The following SLC12A6 variants were observed in gnomAD, a reference collection of about 807,000 sequenced individuals.
SLC12A6 encodes solute carrier family 12 member 6.
A neutral mutation model predicts 135.3 loss-of-function variants in SLC12A6; 66 were observed. The observed-to-expected ratio is 0.49, with a 90% CI of 0.40 to 0.60. The LOEUF is 0.60. Among genes scored for constraint, SLC12A6 ranks in the 20% least tolerant of loss-of-function variants. SLC12A6 has a pLI of 0.00. For synonymous variants in SLC12A6, 513 were observed against 508.8 expected (o/e 1.01, Z -0.11); for missense variants, 1,058 against 1,452.3 (o/e 0.73, Z 4.41).
chr15:34,283,921 G>T (rs74871935), intron 2 of SLC12A6, among the ~76,000 whole-genome samples: 7,425 of 151,840 alleles, frequency 0.049, 370 homozygotes, highest in African/African-American at 0.13. Context: ...CCAGTTTTTT[G>T]ATTTTTTTTA....
chr15:34,235,882 A>T, intron 24 of SLC12A6, 133 bp downstream of exon 24: 1 of 779,016 alleles, frequency 1.3e-6, no homozygotes. Context: ...AGCCAGTATG[A>T]ACAGGCAAAC....
chr15:34,285,177 G>A (rs1056593705), intron 2 of SLC12A6, among the ~76,000 whole-genome samples: 1 of 152,202 alleles, frequency 6.6e-6, no homozygotes, highest in Non-Finnish European at 1.5e-5. Context: ...TCTGGAATGA[G>A]CAGATAGCAG....
intron 2 of SLC12A6, among the ~76,000 whole-genome samples, chr15:34,333,809 G>A (rs1393655800): frequency 6.6e-6 from 1 of 152,028 alleles, no homozygotes; most frequent in Non-Finnish European, 1.5e-5. Context: ...TGTGGCTCAC[G>A]CCTGTAATCC....
At chr15:34,288,109 A>C (rs986688281) in intron 2 of SLC12A6, among the ~76,000 whole-genome samples, 1 of 152,164 alleles carries the variant, frequency 6.6e-6, no homozygotes, top group Admixed American at 6.6e-5. Flanking sequence ...TTATGGTCCT[A>C]GGTCTTATGT....
At chr15:34,318,388 G>A (rs1888802290) in intron 2 of SLC12A6, among the ~76,000 whole-genome samples, 1 of 152,148 alleles carries the variant, frequency 6.6e-6, no homozygotes, top group African/African-American at 2.4e-5. Context: ...CAGTGTGTGA[G>A]AAAAGTAAGA....
chr15:34,240,671 G>A lies in SLC12A6; in HGVS notation c.2426C>T (p.Ala809Val). 2 of 1,613,822 alleles carry A rather than the reference G, an allele frequency of 1.2e-6. No homozygotes were observed. The highest frequency in any genetic ancestry group is 2.2e-5 in the South Asian group (2 of 91,082). ...NFLENYGEAL[A>V]AEQTIKHLME... ...AAGCCTGACTCTTACCTGCTCAGCAGCTAAAGCTTCACCGTAGTTCTCTAG... is the reference window on the plus strand; with the variant it reads ...AAGCCTGACTCTTACCTGCTCAGCAACTAAAGCTTCACCGTAGTTCTCTAG... The change falls in exon 19 of 26, where the codon GCT becomes GTT. Residue 809 changes from alanine to valine, a missense_variant. By Grantham distance (64) the Ala-to-Val change is moderately conservative. Coordinates refer to ENST00000354181, the MANE Select transcript of SLC12A6 (RefSeq NM_001365088.1).
chr15:34,296,888 G>GA (rs1325868737), intron 2 of SLC12A6, among the ~76,000 whole-genome samples: 21 of 151,846 alleles, frequency 1.4e-4, no homozygotes, highest in African/African-American at 5.1e-4. Flanking sequence ...TTTGATATTT[G>GA]AAAAAAAATT....
intron 2 of SLC12A6, among the ~76,000 whole-genome samples, chr15:34,292,849 TG>T (rs766530779): frequency 4.6e-5 from 7 of 152,158 alleles, no homozygotes; most frequent in Non-Finnish European, 1.0e-4. Flanking sequence ...CCTGGTCTGA[TG>T]GTTGTGAAGA....
intron 3 of SLC12A6, among the ~76,000 whole-genome samples, chr15:34,270,359 A>C (rs563100220): frequency 6.6e-6 from 1 of 152,066 alleles, no homozygotes. Context: ...CAGCCTCCTA[A>C]AGTGCTGGGA....
At chr15:34,253,987 T>G (rs1273647127) in intron 9 of SLC12A6, among the ~76,000 whole-genome samples, 1 of 152,108 alleles carries the variant, frequency 6.6e-6, no homozygotes, top group African/African-American at 2.4e-5. Context: ...GAGGCCAAGG[T>G]GGGCCTTATA....
At position 34,286,942 on chromosome 15, in the gene SLC12A6, T is replaced by C. The variant is rs1474615114; in HGVS notation, c.272-11553A>G. ...AGCTACAGAAATTACTTATAACAAT[T>C]TGCTTGAAAAAAGCCAATGAGGAAG... is the stretch of plus-strand genomic sequence containing the variant. On this transcript the variant is annotated intron_variant, in intron 2 of 25. Coordinates refer to ENST00000354181, the MANE Select transcript of SLC12A6 (RefSeq NM_001365088.1). Among the ~76,000 whole-genome samples, 8 of 152,126 alleles carry C rather than the reference T, an allele frequency of 5.3e-5. No homozygotes were observed. In the East Asian group the frequency reaches 1.5e-3, roughly 29 times the overall value.
rs777266265 is a variant in SLC12A6, at chr15:34,337,401, G to C, written c.-142C>G. Reference sequence around the variant, plus strand: ...GGATTCCTGTCTCCGAGAGGTCGGTGGGGGTGGCGCGCCCGCTCTTCTCCT... The same window carrying C: ...GGATTCCTGTCTCCGAGAGGTCGGTCGGGGTGGCGCGCCCGCTCTTCTCCT... On this transcript the variant is annotated 5_prime_UTR_variant, in exon 1 of 26. Coordinates refer to ENST00000354181, the MANE Select transcript of SLC12A6 (RefSeq NM_001365088.1). 1 of 153,794 alleles carries C rather than the reference G, an allele frequency of 6.5e-6. No homozygotes were observed. Among genetic ancestry groups the C allele is most frequent in the Non-Finnish European group, 1.4e-5 (1 of 69,112 alleles). The allele number at this position is 153,794 out of a possible 1,614,324, so 9.5% of individuals were successfully genotyped here.
chr15:34,250,214 CTG>C (rs1191696443), intron 13 of SLC12A6, 82 bp downstream of exon 13: 1 of 867,392 alleles, frequency 1.2e-6, no homozygotes, highest in Non-Finnish European at 2.0e-6. Context: ...TGTGTTGAGT[CTG>C]TAACTGTCTT....
chr15:34,292,137 T>C (rs935403579), intron 2 of SLC12A6, among the ~76,000 whole-genome samples: 2 of 152,162 alleles, frequency 1.3e-5, no homozygotes, highest in African/African-American at 4.8e-5. Flanking sequence ...CTACCTTTAG[T>C]CTTTGATGTT....
In SLC12A6 at chr15:34,241,328, T is replaced by C; in HGVS notation, c.2172A>G (p.Lys724=). ...GCCCACGGATACCATCACCCCATTC[T>C]TTCTCAGCTCTGTGAGAAAAAGAAA... ...YKYIEYQGAE[K]EWGDGIRGLS... is the part of the protein sequence containing the mutation. The change falls in exon 18 of 26, where the codon AAA becomes AAG. Residue 724 remains lysine (K), a synonymous_variant. Coordinates refer to ENST00000354181, the MANE Select transcript of SLC12A6 (RefSeq NM_001365088.1). The C allele has an allele frequency of 4.4e-6, 7 of 1,581,958 alleles. No homozygotes were observed. The highest frequency in any genetic ancestry group is 5.2e-6 in the Non-Finnish European group (6 of 1,150,584).
intron 2 of SLC12A6, among the ~76,000 whole-genome samples, chr15:34,312,273 C>T (rs1406698272): frequency 6.6e-6 from 1 of 152,174 alleles, no homozygotes; most frequent in Admixed American, 6.5e-5. Flanking sequence ...TCCTCCCGTA[C>T]ATCCTATACT....
intron 20 of SLC12A6, chr15:34,238,638 G>C (rs1024390929): frequency 3.3e-6 from 2 of 601,114 alleles, no homozygotes; most frequent in Non-Finnish European, 5.9e-6. Flanking sequence ...TCTAAGGGGG[G>C]ATATGTGAAT....
intron 2 of SLC12A6, among the ~76,000 whole-genome samples, chr15:34,298,633 T>C (rs1423408146): frequency 6.6e-6 from 1 of 151,896 alleles, no homozygotes; most frequent in Non-Finnish European, 1.5e-5. Flanking sequence ...AGAGATAAAA[T>C]AGCAGGATTT....
chr15:34,242,668 A>T (rs1891721836), intron 16 of SLC12A6, among the ~76,000 whole-genome samples: 1 of 152,222 alleles, frequency 6.6e-6, no homozygotes. Flanking sequence ...TCTTTTTAAA[A>T]AATTTCATAT....
Sources: gnomAD v4.1 joint callset for allele counts (sites outside exome capture counted in the v4.1 genomes callset) on GRCh38, gnomAD v4.1.1 for gene constraint, MANE v1.5 for transcripts, NCBI Gene and HGNC (gene_info 2026-07-23, HGNC 2026-07-21) for gene names.